The following DNM3 variants were observed in gnomAD, a reference collection of about 807,000 sequenced individuals.
DNM3 encodes the protein dynamin-3.
Under a neutral mutation model 101.6 loss-of-function variants are expected in DNM3, and 47 were observed. That is an observed-to-expected ratio of 0.46 (90% CI 0.37 to 0.59). The LOEUF (loss-of-function observed/expected upper bound fraction) is 0.59. Ranked by LOEUF, DNM3 falls within the 20% of genes least tolerant of loss-of-function variation. DNM3 has a pLI of 0.00. For synonymous variants in DNM3, 385 were observed against 387.9 expected (o/e 0.99, Z 0.09); for missense variants, 849 against 1,085.7 (o/e 0.78, Z 3.06).
chr1:172,359,125 AACACACACACACACACAC>A (rs10683483), intron 17 of DNM3, among the ~76,000 whole-genome samples: 6 of 145,704 alleles, frequency 4.1e-5, no homozygotes, highest in Non-Finnish European at 6.0e-5. Context: ...ACTCCCACAA[AACACACACACACACACAC>A]ACACACACAC....
chr1:171,985,617 A>G (rs183468523), intron 2 of DNM3, among the ~76,000 whole-genome samples: 1 of 152,348 alleles, frequency 6.6e-6, no homozygotes, highest in African/African-American at 2.4e-5. Context: ...GGCACATTAT[A>G]TGGAGAAACT....
intron 12 of DNM3, among the ~76,000 whole-genome samples, chr1:172,087,470 A>T (rs1328930235): frequency 6.6e-6 from 1 of 152,114 alleles, no homozygotes; most frequent in Admixed American, 6.6e-5. Flanking sequence ...GGACATCTCT[A>T]CTTATATATC....
intron 14 of DNM3, among the ~76,000 whole-genome samples, chr1:172,144,198 A>C (rs2057751430): frequency 1.3e-5 from 2 of 152,032 alleles, no homozygotes; most frequent in Admixed American, 6.6e-5. Context: ...AAAAAAAAAA[A>C]AAACAGTAAA....
intron 14 of DNM3, among the ~76,000 whole-genome samples, chr1:172,201,720 G>C (rs1243247986): frequency 2.0e-5 from 3 of 152,222 alleles, no homozygotes; most frequent in Admixed American, 2.0e-4. Context: ...CAATGGCAGA[G>C]AGGCTTTCAG....
chr1:171,953,689 A>T (rs939685168), intron 2 of DNM3, among the ~76,000 whole-genome samples: 3 of 152,062 alleles, frequency 2.0e-5, no homozygotes, highest in African/African-American at 7.2e-5. Context: ...TCAGCCTCCC[A>T]AAGTGCTGGG....
intron 13 of DNM3, among the ~76,000 whole-genome samples, chr1:172,125,958 C>T (rs367792054): frequency 3.9e-4 from 60 of 152,218 alleles, no homozygotes; most frequent in Middle Eastern, 3.4e-3. Flanking sequence ...TTCCCACTTA[C>T]TTTCCTTTTT....
chr1:172,073,299 G>A lies in DNM3; in HGVS notation c.1422+4394G>A, dbSNP rs574310077. Among the ~76,000 whole-genome samples, 586 of 76,914 alleles carry A rather than the reference G, an allele frequency of 7.6e-3. 4 individuals are homozygous for A. Among genetic ancestry groups the A allele is most frequent in the Non-Finnish European group, 0.018 (472 of 25,702 alleles). The allele number at this position is 76,914 out of a possible 152,430, so 50.5% of individuals were successfully genotyped here. On this transcript the variant is annotated intron_variant, in intron 11 of 20. Coordinates refer to ENST00000627582, the MANE Select transcript of DNM3 (RefSeq NM_015569.5). The stretch of plus-strand genomic sequence containing the variant: ...CTTATATGTATATATACACATATAA[G>A]TATATGTGTACATATTTGAACATAT...
At chr1:172,347,976 T>C (rs2067023137) in intron 17 of DNM3, among the ~76,000 whole-genome samples, 1 of 152,050 alleles carries the variant, frequency 6.6e-6, no homozygotes, top group African/African-American at 2.4e-5. Context: ...TATTCTTTTT[T>C]ATGAAACTAA....
chr1:172,254,699 T>A (rs1348112562), intron 15 of DNM3, among the ~76,000 whole-genome samples: 1 of 152,132 alleles, frequency 6.6e-6, no homozygotes, highest in Non-Finnish European at 1.5e-5. Context: ...GTATCAAAAC[T>A]GTATTTTGAG....
chr1:172,078,950 C>A (rs777111202), intron 11 of DNM3, among the ~76,000 whole-genome samples: 1 of 152,238 alleles, frequency 6.6e-6, no homozygotes, highest in Non-Finnish European at 1.5e-5. Context: ...TTGGCTCTCA[C>A]TCTCTTCTGG....
At chr1:172,096,872 G>A (rs918403266) in intron 13 of DNM3, among the ~76,000 whole-genome samples, 3 of 152,222 alleles carry the variant, frequency 2.0e-5, no homozygotes, top group African/African-American at 7.2e-5. Context: ...ACAAACTAGA[G>A]ATATGGGAAT....
intron 1 of DNM3, among the ~76,000 whole-genome samples, chr1:171,885,755 A>G (rs1425674389): frequency 6.6e-6 from 1 of 152,152 alleles, no homozygotes; most frequent in Non-Finnish European, 1.5e-5. Flanking sequence ...AGCTGCTTTC[A>G]GGACCTGTGT....
At chr1:171,976,272 T>A (rs770107045) in intron 2 of DNM3, among the ~76,000 whole-genome samples, 1 of 152,248 alleles carries the variant, frequency 6.6e-6, no homozygotes, top group Non-Finnish European at 1.5e-5. Flanking sequence ...TTTGTCATGA[T>A]GACTGTTCTC....
chr1:172,386,962 G>A (rs2069216508), intron 18 of DNM3, 171 bp from the exon 19 acceptor site: 1 of 584,974 alleles, frequency 1.7e-6, no homozygotes, highest in East Asian at 2.9e-5. Context: ...CCAGTACTGG[G>A]GATAGAGACA....
intron 14 of DNM3, among the ~76,000 whole-genome samples, chr1:172,162,975 C>T (rs2058597936): frequency 6.6e-6 from 1 of 152,044 alleles, no homozygotes; most frequent in African/African-American, 2.4e-5. Flanking sequence ...TGGTAGAATT[C>T]TGCCTATTCA....
intron 4 of DNM3, among the ~76,000 whole-genome samples, chr1:172,031,374 G>T (rs1341854659): frequency 1.3e-5 from 2 of 152,106 alleles, no homozygotes; most frequent in African/African-American, 2.4e-5. Flanking sequence ...CACAGGGAGG[G>T]GAACAACACA....
chr1:171,913,708 G>T (rs1434164845), intron 1 of DNM3, among the ~76,000 whole-genome samples: 1 of 151,952 alleles, frequency 6.6e-6, no homozygotes, highest in Non-Finnish European at 1.5e-5. Flanking sequence ...TCTTTTGCCT[G>T]TTTCCCTTTC....
intron 11 of DNM3, among the ~76,000 whole-genome samples, chr1:172,078,704 T>A (rs2125980160): frequency 6.6e-6 from 1 of 152,322 alleles, no homozygotes; most frequent in African/African-American, 2.4e-5. Flanking sequence ...GTTGATGCAG[T>A]TTCTTTATAG....
intron 14 of DNM3, among the ~76,000 whole-genome samples, chr1:172,144,147 A>G (rs902163628): frequency 6.6e-6 from 1 of 152,022 alleles, no homozygotes; most frequent in Non-Finnish European, 1.5e-5. Context: ...TGAAGTGGGA[A>G]AACCTTTAAG....
Sources: allele counts gnomAD v4.1 joint callset (sites outside exome capture counted in the v4.1 genomes callset), GRCh38; gene constraint gnomAD v4.1.1; transcripts MANE v1.5; gene names NCBI Gene and HGNC (gene_info 2026-07-23, HGNC 2026-07-21).